Variants in CEP112 observed in about 807,000 individuals in gnomAD.
CEP112 encodes centrosomal protein of 112 kDa.
In CEP112, 127 loss-of-function variants were observed where a neutral mutation model predicts 153.0. The ratio of observed to expected loss-of-function variants is 0.83; its 90% CI spans 0.72 to 0.96. CEP112 has a LOEUF of 0.96. Among genes scored for constraint, CEP112 ranks in the 40% least tolerant of loss-of-function variants. The pLI is 0.00. For synonymous variants in CEP112, 358 were observed against 374.4 expected, an observed-to-expected ratio of 0.96 and a Z score of 0.51; for missense variants, 1,089 against 1,101.2, an observed-to-expected ratio of 0.99 and a Z score of 0.16.
chr17:66,121,246 A>T (rs2069570305), intron 6 of CEP112, among the ~76,000 whole-genome samples: 1 of 151,660 alleles, frequency 6.6e-6, no homozygotes, highest in South Asian at 2.1e-4. Context: ...ATTGCACTCT[A>T]GCCTGGGCAA....
Position 65,798,746 on chromosome 17 carries a change from A to C in CEP112, c.2395-48022T>G, listed in dbSNP as rs112235380. Among the ~76,000 whole-genome samples, 1,360 of 152,312 alleles carry C rather than the reference A, an allele frequency of 8.9e-3. 22 individuals are homozygous for C. Among genetic ancestry groups the C allele is most frequent in the African/African-American group, 0.031 (1,282 of 41,558 alleles). ...TCTCTTGTTTAGAAAGGTTATAGTT[A>C]ATTGCTTTAGAATCCAAAGCTACTG... On this transcript the variant is annotated intron_variant, in intron 21 of 26. Transcript: ENST00000535342.
intron 17 of CEP112, among the ~76,000 whole-genome samples, chr17:65,981,101 C>A: frequency 6.6e-6 from 1 of 152,160 alleles, no homozygotes; most frequent in East Asian, 1.9e-4. Flanking sequence ...CAGGCGTGAG[C>A]CACCACGCCC....
chr17:65,954,016 G>GTGCC (rs1286509484), intron 18 of CEP112, among the ~76,000 whole-genome samples: 3 of 152,178 alleles, frequency 2.0e-5, no homozygotes, highest in Non-Finnish European at 2.9e-5. Context: ...CACTCTTGAA[G>GTGCC]TGCCACCTCC....
chr17:65,985,851 T>TG (rs1852194279), intron 17 of CEP112, among the ~76,000 whole-genome samples: 1 of 151,094 alleles, frequency 6.6e-6, no homozygotes, highest in Non-Finnish European at 1.5e-5. Context: ...GGCTTTTGTT[T>TG]TTTTTTTTTT....
chr17:66,160,034 C>T (rs953225436), intron 4 of CEP112, among the ~76,000 whole-genome samples: 1 of 152,106 alleles, frequency 6.6e-6, no homozygotes, highest in African/African-American at 2.4e-5. Context: ...CACAAGCATT[C>T]CTATACACCA....
chr17:66,146,692 CT>C (rs2070933845), intron 4 of CEP112, among the ~76,000 whole-genome samples: 1 of 152,098 alleles, frequency 6.6e-6, no homozygotes, highest in Non-Finnish European at 1.5e-5. Flanking sequence ...CCCACTGCCC[CT>C]ATAACCACCA....
rs201653705 is a variant in CEP112 at position 65,651,690 on chromosome 17, C to T, written c.2698-10625G>A. On this transcript the variant is annotated intron_variant, in intron 24 of 26. Coordinates refer to ENST00000535342, the MANE Select transcript of CEP112 (RefSeq NM_001199165.4). Reference sequence around the variant, plus strand: ...CCTTCCTTCCTTCCTTCCTTCTTTCCTTCCTTCCTTCCTTTCTTTTCTTTC... The same window carrying T: ...CCTTCCTTCCTTCCTTCCTTCTTTCTTTCCTTCCTTCCTTTCTTTTCTTTC... 1.1e-4 allele frequency among the ~76,000 whole-genome samples: 12 copies of T among 107,948 alleles called. No individual in the cohort carries two copies. In the East Asian group the frequency reaches 4.8e-3, roughly 43 times the overall value. The allele number at this position is 107,948 out of a possible 152,430, so 70.8% of individuals were successfully genotyped here.
At chr17:65,867,201 A>C (rs1299119396) in intron 20 of CEP112, among the ~76,000 whole-genome samples, 1 of 152,158 alleles carries the variant, frequency 6.6e-6, no homozygotes, top group African/African-American at 2.4e-5. Flanking sequence ...GGGAGCTAGC[A>C]CACCTGGAGC....
At chr17:66,138,739 CAATA>C (rs1342935840) in intron 4 of CEP112, among the ~76,000 whole-genome samples, 1 of 151,628 alleles carries the variant, frequency 6.6e-6, no homozygotes, top group African/African-American at 2.4e-5. Flanking sequence ...ACCACAGTAA[CAATA>C]AACACATCAT....
At chr17:65,776,543 T>A (rs890939449) in intron 21 of CEP112, among the ~76,000 whole-genome samples, 1 of 152,208 alleles carries the variant, frequency 6.6e-6, no homozygotes, top group Non-Finnish European at 1.5e-5. Context: ...CTTTTTATAG[T>A]TAGTATGTGA....
intron 17 of CEP112, among the ~76,000 whole-genome samples, chr17:65,990,900 G>A (rs1304781353): frequency 2.6e-4 from 40 of 152,204 alleles, no homozygotes; most frequent in South Asian, 2.1e-4. Context: ...GGAGAGCAGC[G>A]ACTGGGGAAC....
chr17:65,877,827 T>C (rs2146562053), intron 20 of CEP112, among the ~76,000 whole-genome samples: 1 of 152,334 alleles, frequency 6.6e-6, no homozygotes, highest in East Asian at 1.9e-4. Context: ...TGATGTGATA[T>C]GAGATGTACA....
intron 17 of CEP112, among the ~76,000 whole-genome samples, chr17:65,984,081 C>T (rs1340805110): frequency 6.6e-6 from 1 of 152,128 alleles, no homozygotes; most frequent in Non-Finnish European, 1.5e-5. Flanking sequence ...CTATCATTAT[C>T]TTTCAGTTTT....
intron 17 of CEP112, among the ~76,000 whole-genome samples, chr17:65,989,709 A>G (rs2063528531): frequency 6.6e-6 from 1 of 152,194 alleles, no homozygotes; most frequent in Non-Finnish European, 1.5e-5. Context: ...AAGTATATGA[A>G]CAAACCCAGA....
intron 20 of CEP112, among the ~76,000 whole-genome samples, chr17:65,899,221 T>G (rs1005692249): frequency 7.2e-5 from 11 of 152,164 alleles, no homozygotes. Context: ...TCTACAAGTC[T>G]TGATTTCTAC....
chr17:66,077,005 G>A (rs2067527865), intron 8 of CEP112, among the ~76,000 whole-genome samples: 1 of 152,074 alleles, frequency 6.6e-6, no homozygotes, highest in Non-Finnish European at 1.5e-5. Context: ...GGAAAAGGGG[G>A]AGAATACTAC....
intron 23 of CEP112, among the ~76,000 whole-genome samples, chr17:65,721,194 T>C (rs549009087): frequency 6.6e-6 from 1 of 152,182 alleles, no homozygotes; most frequent in Admixed American, 6.5e-5. Context: ...GTATTTTTAG[T>C]AGAGACGGGG....
chr17:65,654,436 G>T (rs969380335), intron 24 of CEP112, among the ~76,000 whole-genome samples: 2 of 152,200 alleles, frequency 1.3e-5, no homozygotes, highest in Non-Finnish European at 2.9e-5. Flanking sequence ...TCCATTCCCT[G>T]TTCATAGGAA....
chr17:65,711,535 T>C (rs1366676858), intron 23 of CEP112, among the ~76,000 whole-genome samples: 2 of 152,232 alleles, frequency 1.3e-5, no homozygotes, highest in Non-Finnish European at 2.9e-5. Context: ...CTATATGTTA[T>C]ATATCACACT....
Sources: gnomAD v4.1 joint callset for allele counts (sites outside exome capture counted in the v4.1 genomes callset) on GRCh38, gnomAD v4.1.1 for gene constraint, MANE v1.5 for transcripts, NCBI Gene and HGNC (gene_info 2026-07-23, HGNC 2026-07-21) for gene names.